COL15A1: variants seen among roughly 807,000 people sequenced by gnomAD.
COL15A1 encodes the protein collagen alpha-1(XV) chain.
In COL15A1, 111 loss-of-function variants were observed where a neutral mutation model predicts 165.9. That is an observed-to-expected ratio of 0.67 (90% CI 0.57 to 0.78). The LOEUF (loss-of-function observed/expected upper bound fraction) is 0.78, where lower values mean the gene tolerates loss of function less well. Ranked by LOEUF, COL15A1 falls within the 30% of genes least tolerant of loss-of-function variation. COL15A1 has a pLI of 0.00. For missense variants in COL15A1, 1,745 were observed against 1,789.7 expected (o/e 0.98, Z 0.45); for synonymous variants, 659 against 674.8 (o/e 0.98, Z 0.36).
chr9:99,022,519 G>T (rs1839045099), intron 13 of COL15A1, among the ~76,000 whole-genome samples: 1 of 152,096 alleles, frequency 6.6e-6, no homozygotes, highest in Non-Finnish European at 1.5e-5. Flanking sequence ...GCCCTGCCCA[G>T]TGTGTCCCCA....
At chr9:99,015,866 G>T (rs1365826792) in intron 10 of COL15A1, 110 bp from the exon 11 acceptor site, 6 of 1,326,594 alleles carry the variant, frequency 4.5e-6, no homozygotes, top group Non-Finnish European at 6.4e-6. Flanking sequence ...ATGATCGTAG[G>T]TAAGAACGTG....
rs1194704898 is a variant in COL15A1, at chr9:99,000,921, T to A, written c.1035T>A (p.Ala345=). ...GDPITDSGSG[A]GAFLDIAEEK... is the part of the protein sequence containing the mutation. Reference sequence around the variant, plus strand: ...CCATTACTGACAGCGGCTCAGGGGCTGGGGCCTTCCTTGACATTGCTGAAG... The same window carrying A: ...CCATTACTGACAGCGGCTCAGGGGCAGGGGCCTTCCTTGACATTGCTGAAG... Residue 345 remains alanine (A), a synonymous_variant, in exon 7 of 42, where the codon GCT becomes GCA. Transcript: ENST00000375001. 7 of 1,585,202 alleles carry A rather than the reference T, an allele frequency of 4.4e-6. No individual in the cohort carries two copies. The highest frequency in any genetic ancestry group is 6.1e-6 in the Non-Finnish European group (7 of 1,153,514).
At chr9:99,061,757 A>AT (rs1353874403) in intron 36 of COL15A1, among the ~76,000 whole-genome samples, 1 of 152,188 alleles carries the variant, frequency 6.6e-6, no homozygotes, top group Non-Finnish European at 1.5e-5. Flanking sequence ...TATAAGTTAG[A>AT]TTTGTGTTTC....
In COL15A1 at chr9:99,054,576, G is replaced by T. The variant is rs140851301; in HGVS notation, c.2951G>T (p.Gly984Val). The change falls in exon 32 of 42, where the codon GGT becomes GTT. Residue 984 changes from glycine (G) to valine (V), a missense_variant and splice_region_variant. Transcript: ENST00000375001. The part of the protein sequence containing the change: ...PGSPELITFH[G>V]VKGEKGSWGL... The stretch of plus-strand genomic sequence containing the variant: ...TTAACATGTATGTGTTTGGTGGCAG[G>T]TGTTAAAGGAGAGAAAGGATCCTGG... 6.2e-7 allele frequency: 1 copy of T among 1,610,154 alleles called. No homozygotes were observed. The highest frequency in any genetic ancestry group is 1.3e-5 in the African/African-American group (1 of 74,586).
chr9:99,062,364 C>T (rs1209372917), intron 38 of COL15A1, 60 bp downstream of exon 38: 6 of 1,240,550 alleles, frequency 4.8e-6, no homozygotes, highest in African/African-American at 3.0e-5. Flanking sequence ...CCTGAGTCCT[C>T]CTTGGTATCT....
At chr9:98,988,323 G>A (rs906093493) in intron 4 of COL15A1, among the ~76,000 whole-genome samples, 9 of 152,190 alleles carry the variant, frequency 5.9e-5, no homozygotes, top group Admixed American at 2.6e-4. Flanking sequence ...GTAGTCACGC[G>A]TTAGTCTCTG....
At chr9:99,019,087 T>G (rs887935115) in intron 11 of COL15A1, among the ~76,000 whole-genome samples, 1 of 152,166 alleles carries the variant, frequency 6.6e-6, no homozygotes, top group Non-Finnish European at 1.5e-5. Context: ...ACGTTAGGGA[T>G]CTGCAATGAA....
rs371436097 is a variant in COL15A1 at position 99,056,381 on chromosome 9, G to A, written c.3314G>A (p.Gly1105Glu). Residue 1105 changes from glycine to glutamate, a missense_variant, in exon 35 of 42, where the codon GGA becomes GAA. Coordinates refer to ENST00000375001, the MANE Select transcript of COL15A1 (RefSeq NM_001855.5). ...CCACCGGGGCCCCCGGGGCCACCAG[G>A]ACCTCCAGCTATCCTGGGAGCAGGT... is the stretch of plus-strand genomic sequence containing the variant. ...PGPPGPPGPP[G>E]PPAILGAAVA... 2.0e-5 allele frequency: 33 copies of A among 1,612,256 alleles called. No individual in the cohort carries two copies. Among genetic ancestry groups the A allele is most frequent in the Non-Finnish European group, 2.5e-5 (29 of 1,179,810 alleles).
At chr9:99,067,819 C>T (rs1469869213) in intron 40 of COL15A1, among the ~76,000 whole-genome samples, 1 of 152,226 alleles carries the variant, frequency 6.6e-6, no homozygotes, top group Non-Finnish European at 1.5e-5. Flanking sequence ...TCTTGGATCT[C>T]TCTACAAGGG....
At chr9:98,965,244 G>A (rs527859633) in intron 2 of COL15A1, among the ~76,000 whole-genome samples, 5 of 152,272 alleles carry the variant, frequency 3.3e-5, no homozygotes, top group South Asian at 2.1e-4. Flanking sequence ...CAAGGCACCC[G>A]GTTGCCTGTT....
At chr9:98,956,756 C>A (rs546486099) in intron 2 of COL15A1, among the ~76,000 whole-genome samples, 1 of 152,204 alleles carries the variant, frequency 6.6e-6, no homozygotes, top group East Asian at 1.9e-4. Context: ...GTCCATGGAC[C>A]AGCAGCATCA....
intron 2 of COL15A1, among the ~76,000 whole-genome samples, chr9:98,973,307 G>A (rs1838091805): frequency 6.6e-6 from 1 of 152,112 alleles, no homozygotes; most frequent in African/African-American, 2.4e-5. Context: ...CATTGAACAG[G>A]AAAATTCCTA....
At chr9:98,961,881 A>C (rs1837871250) in intron 2 of COL15A1, among the ~76,000 whole-genome samples, 1 of 152,236 alleles carries the variant, frequency 6.6e-6, no homozygotes, top group Non-Finnish European at 1.5e-5. Flanking sequence ...TTGCAGTAAA[A>C]TGTCAGGAAG....
At chr9:99,056,494 G>A in intron 35 of COL15A1, 90 bp downstream of exon 35, 1 of 1,478,564 alleles carries the variant, frequency 6.8e-7, no homozygotes, top group Non-Finnish European at 8.9e-7. Flanking sequence ...CAGCTGCACT[G>A]CCTAACAGAG....
At chr9:98,992,917 A>G (rs1360417456) in intron 5 of COL15A1, among the ~76,000 whole-genome samples, 1 of 152,188 alleles carries the variant, frequency 6.6e-6, no homozygotes, top group Non-Finnish European at 1.5e-5. Context: ...TCCCCAGACT[A>G]TCTGGAAAAG....
chr9:99,044,663 C>G, intron 25 of COL15A1, 27 bp downstream of exon 25: 2 of 1,612,036 alleles, frequency 1.2e-6, no homozygotes, highest in Non-Finnish European at 1.7e-6. Context: ...ACCCTGCAGG[C>G]ACATATCTGC....
At chr9:99,055,040 G>C in intron 32 of COL15A1, 62 bp from the exon 33 acceptor site, 1 of 1,410,912 alleles carries the variant, frequency 7.1e-7, no homozygotes, top group South Asian at 1.2e-5. Context: ...CCAACTTAGA[G>C]ACTTTTATTT....
intron 26 of COL15A1, among the ~76,000 whole-genome samples, chr9:99,046,093 A>G (rs183269042): frequency 2.1e-3 from 321 of 152,296 alleles, no homozygotes; most frequent in South Asian, 0.019. Context: ...TGGAAAATAC[A>G]AATAGTTAGT....
chr9:99,007,726 C>A (rs1838787565), intron 9 of COL15A1, among the ~76,000 whole-genome samples: 1 of 152,142 alleles, frequency 6.6e-6, no homozygotes, highest in Admixed American at 6.5e-5. Flanking sequence ...CTGTTATTTT[C>A]CTCTGAAGTT....
Sources: gnomAD v4.1 joint callset for allele counts (sites outside exome capture counted in the v4.1 genomes callset) on GRCh38, gnomAD v4.1.1 for gene constraint, MANE v1.5 for transcripts, NCBI Gene and HGNC (gene_info 2026-07-23, HGNC 2026-07-21) for gene names.